The following AGAP1 variants were observed in gnomAD, a reference collection of about 807,000 sequenced individuals.
The protein encoded by AGAP1 is ArfGAP with GTPase domain, ankyrin repeat and PH domain 1.
AGAP1 carries 29 observed loss-of-function variants against 105.3 expected under a neutral mutation model. The observed-to-expected ratio is 0.28, with a 90% CI of 0.21 to 0.38. AGAP1 has a LOEUF of 0.38. Among genes scored for constraint, AGAP1 ranks in the 10% least tolerant of loss-of-function variants. AGAP1 has a pLI of 1.00. For missense variants in AGAP1, 998 were observed against 1,165.1 expected (o/e 0.86, Z 2.09); for synonymous variants, 509 against 485.9 (o/e 1.05, Z -0.63).
intron 13 of AGAP1, among the ~76,000 whole-genome samples, chr2:235,990,257 A>AT (rs2055503687): frequency 6.6e-6 from 1 of 152,184 alleles, no homozygotes; most frequent in African/African-American, 2.4e-5. Flanking sequence ...TCCTCCTTAA[A>AT]GCACCCATCT....
rs913011649 is a variant in AGAP1, at chr2:236,005,084, A to G, written c.1646-31477A>G. Among the ~76,000 whole-genome samples the G allele has an allele frequency of 1.3e-5, 2 of 152,134 alleles. No homozygotes were observed. The highest frequency in any genetic ancestry group is 4.8e-5 in the African/African-American group (2 of 41,424). On this transcript the variant is annotated intron_variant, in intron 13 of 17. Transcript: ENST00000304032. The surrounding 1 kb of genome is among the most constrained non-coding windows in gnomAD (Gnocchi z 4.1). The stretch of plus-strand genomic sequence containing the variant: ...AGGAGATATTATAGGTTATTCCCAT[A>G]GGCTTCCCACCACTTCCCCCTGACA...
At position 235,552,967 on chromosome 2, in the gene AGAP1, G is replaced by C. The variant is rs1398596083; in HGVS notation, c.163+58118G>C. Reference sequence around the variant, plus strand: ...TCCACACATGTGCATCTGATTGTGTGTGTGACACAGTGAAGGGTATGGGGA... The same window carrying C: ...TCCACACATGTGCATCTGATTGTGTCTGTGACACAGTGAAGGGTATGGGGA... On this transcript the variant is annotated intron_variant, in intron 1 of 17. Coordinates refer to ENST00000304032, the MANE Select transcript of AGAP1 (RefSeq NM_001037131.3). The surrounding 1 kb of genome is among the most constrained non-coding windows in gnomAD (Gnocchi z 5.9). 6.6e-6 allele frequency among the ~76,000 whole-genome samples: 1 copy of C among 152,244 alleles called. No individual in the cohort carries two copies. The highest frequency in any genetic ancestry group is 1.5e-5 in the Non-Finnish European group (1 of 68,042).
intron 6 of AGAP1, among the ~76,000 whole-genome samples, chr2:235,785,412 A>C (rs1460082028): frequency 1.3e-5 from 2 of 152,202 alleles, no homozygotes; most frequent in African/African-American, 2.4e-5. Flanking sequence ...CAATTATTGC[A>C]CTTAACTGGA....
At chr2:235,916,425 T>C (rs2051888442) in intron 11 of AGAP1, among the ~76,000 whole-genome samples, 1 of 152,250 alleles carries the variant, frequency 6.6e-6, no homozygotes, top group African/African-American at 2.4e-5. Context: ...CATGAATGTT[T>C]GGCCAGCCTA....
Position 236,061,985 on chromosome 2 carries a change from G to T in AGAP1, c.2114+12704G>T, listed in dbSNP as rs1267806151. Among the ~76,000 whole-genome samples, 1 of 152,208 alleles carries T rather than the reference G, an allele frequency of 6.6e-6. No homozygotes were observed. The highest frequency in any genetic ancestry group is 1.5e-5 in the Non-Finnish European group (1 of 68,030). ...AGGCGTACAGGAACGCATGCTGGGT[G>T]GCGGGGGCCTGGGTGCGGGCCGAGG... On this transcript the variant is annotated intron_variant, in intron 16 of 17. Transcript: ENST00000304032. The surrounding 1 kb of genome is among the most constrained non-coding windows in gnomAD (Gnocchi z 4.1).
chr2:235,828,851 C>T (rs1317119476), intron 9 of AGAP1, among the ~76,000 whole-genome samples: 2 of 152,196 alleles, frequency 1.3e-5, no homozygotes, highest in African/African-American at 2.4e-5. Flanking sequence ...ACAGCCCTTA[C>T]CATTTGAACG....
intron 9 of AGAP1, among the ~76,000 whole-genome samples, chr2:235,851,571 C>A (rs2048458622): frequency 1.3e-5 from 2 of 152,168 alleles, no homozygotes; most frequent in African/African-American, 2.4e-5. Flanking sequence ...GTATCTCCCC[C>A]CTTGGAGTGT....
rs13423080 is a variant in AGAP1, at chr2:236,002,579, T to G, written c.1645+33956T>G. ...TATAGAAGGCCTTGGAAAGAATTAC[T>G]TCATGCATTCCTGTTCATTGGCGGT... is the stretch of plus-strand genomic sequence containing the variant. On this transcript the variant is annotated intron_variant, in intron 13 of 17. Transcript: ENST00000304032. The surrounding 1 kb of genome is among the most constrained non-coding windows in gnomAD (Gnocchi z 4.3). Among the ~76,000 whole-genome samples, 1,169 of 152,254 alleles carry G rather than the reference T, an allele frequency of 7.7e-3. 12 individuals carry two copies. Among genetic ancestry groups the G allele is most frequent in the African/African-American group, 0.027 (1,108 of 41,540 alleles).
intron 6 of AGAP1, among the ~76,000 whole-genome samples, chr2:235,760,045 CAACT>C (rs1954306308): frequency 6.6e-6 from 1 of 152,172 alleles, no homozygotes; most frequent in Admixed American, 6.5e-5. Context: ...TCTGGCACAT[CAACT>C]GAGACAAAAA....
At chr2:236,081,888 A>T (rs1020739558) in intron 16 of AGAP1, among the ~76,000 whole-genome samples, 2 of 152,146 alleles carry the variant, frequency 1.3e-5, no homozygotes, top group African/African-American at 4.8e-5. Flanking sequence ...CTATTAGCCT[A>T]TGAAATTATT....
intron 16 of AGAP1, among the ~76,000 whole-genome samples, chr2:236,102,507 G>A (rs1428152898): frequency 6.7e-6 from 1 of 149,950 alleles, no homozygotes; most frequent in African/African-American, 2.5e-5. Context: ...AGAATCACTT[G>A]AACCCGGGAT....
chr2:235,524,535 C>T, intron 1 of AGAP1: 1 of 334,550 alleles, frequency 3.0e-6, no homozygotes, highest in South Asian at 2.5e-5. Context: ...ACCCAGCCCC[C>T]ATGGGTAAGT....
rs114987821 is a variant in AGAP1 at position 235,864,608 on chromosome 2, C to G, written c.1051-18737C>G. Among the ~76,000 whole-genome samples, 608 of 152,056 alleles carry G rather than the reference C, an allele frequency of 4.0e-3. 2 individuals are homozygous for G. Among genetic ancestry groups the G allele is most frequent in the South Asian group, 0.025 (122 of 4,826 alleles). ...GCCATTAAGTGCAGATACTGTCGTCCCTGGTGTCGTCCCTGAAAATCTTGT... is the reference window on the plus strand; with the variant it reads ...GCCATTAAGTGCAGATACTGTCGTCGCTGGTGTCGTCCCTGAAAATCTTGT... On this transcript the variant is annotated intron_variant, in intron 9 of 17. Transcript: ENST00000304032. The surrounding 1 kb of genome is among the most constrained non-coding windows in gnomAD (Gnocchi z 5.0).
rs1422104737 is a variant in AGAP1 at position 235,842,152 on chromosome 2, G to T, written c.1050+34821G>T. Among the ~76,000 whole-genome samples the T allele has an allele frequency of 6.6e-6, 1 of 152,186 alleles. No homozygotes were observed. Among genetic ancestry groups the T allele is most frequent in the Non-Finnish European group, 1.5e-5 (1 of 68,036 alleles). ...CTGGCGTTGGGCTTCCTCCGCTCCTGGTTTCTTAGTTCTGGAGCACAGACT... is the reference window on the plus strand; with the variant it reads ...CTGGCGTTGGGCTTCCTCCGCTCCTTGTTTCTTAGTTCTGGAGCACAGACT... On this transcript the variant is annotated intron_variant, in intron 9 of 17. Transcript: ENST00000304032. This position sits in a 1 kb window ranked among gnomAD's most constrained non-coding sequence, Gnocchi z 5.3.
chr2:236,011,410 A>G (rs1429459002), intron 13 of AGAP1, among the ~76,000 whole-genome samples: 1 of 152,230 alleles, frequency 6.6e-6, no homozygotes, highest in Non-Finnish European at 1.5e-5. Flanking sequence ...GTGGGATTTC[A>G]TGTCCATTGA....
chr2:236,036,769 G>A lies in AGAP1; in HGVS notation c.1800+54G>A. 6.2e-7 allele frequency: 1 copy of A among 1,603,978 alleles called. No homozygotes were observed. The highest frequency in any genetic ancestry group is 1.1e-5 in the South Asian group (1 of 89,368). On this transcript the variant is annotated intron_variant, in intron 14 of 17. Transcript: ENST00000304032. The surrounding 1 kb of genome is among the most constrained non-coding windows in gnomAD (Gnocchi z 5.7). ...GCTGGGGCTGCTCAGGGGGAGTGCGGGCCCCAAGTAATGCCCCAGGGAGGA... is the reference window on the plus strand; with the variant it reads ...GCTGGGGCTGCTCAGGGGGAGTGCGAGCCCCAAGTAATGCCCCAGGGAGGA...
At position 236,124,058 on chromosome 2, in the gene AGAP1, C is replaced by T. The variant is rs2059964275; in HGVS notation, c.2510C>T (p.Pro837Leu). Residue 837 changes from proline (P) to leucine (L), a missense_variant, in exon 18 of 18, where the codon CCT becomes CTT. Transcript: ENST00000304032. This position sits in a 1 kb window ranked among gnomAD's most constrained non-coding sequence, Gnocchi z 5.1. ...PDERFVLMATPNLSRRNNNRN... is the reference protein window; with the variant it reads ...PDERFVLMATLNLSRRNNNRN... ...GAGCGCTTCGTGCTCATGGCCACCC[C>T]TAACCTGTCCAGGAGAAACAATAAC... 6.2e-6 allele frequency: 10 copies of T among 1,614,122 alleles called. No individual in the cohort carries two copies. Among genetic ancestry groups the T allele is most frequent in the Non-Finnish European group, 8.5e-6 (10 of 1,179,994 alleles).
intron 9 of AGAP1, among the ~76,000 whole-genome samples, chr2:235,881,700 T>G (rs1184979448): frequency 1.3e-5 from 2 of 152,214 alleles, no homozygotes; most frequent in Non-Finnish European, 2.9e-5. Context: ...GTCAGCTTCC[T>G]TAACAAAGGG....
intron 11 of AGAP1, among the ~76,000 whole-genome samples, chr2:235,923,299 A>G (rs955106017): frequency 6.6e-6 from 1 of 152,056 alleles, no homozygotes; most frequent in African/African-American, 2.4e-5. Context: ...TCCTTGTACA[A>G]CCCTGTTCTG....
Sources: allele counts gnomAD v4.1 joint callset (sites outside exome capture counted in the v4.1 genomes callset), GRCh38; gene constraint gnomAD v4.1.1; non-coding constraint Gnocchi (gnomAD v3.1); transcripts MANE v1.5; gene names NCBI Gene and HGNC (gene_info 2026-07-23, HGNC 2026-07-21).